The following TEAD4 variants were observed in gnomAD, a reference collection of about 807,000 sequenced individuals.
TEAD4 encodes the protein transcriptional enhancer factor TEF-3.
TEAD4 carries 36 observed loss-of-function variants against 52.4 expected under a neutral mutation model. The observed-to-expected ratio is 0.69, with a 90% CI of 0.53 to 0.91. The LOEUF (loss-of-function observed/expected upper bound fraction) is 0.91, where lower values mean the gene tolerates loss of function less well. Among genes scored for constraint, TEAD4 ranks in the 40% least tolerant of loss-of-function variants. The pLI is 0.00. For missense variants in TEAD4, 508 were observed against 583.9 expected (o/e 0.87, Z 1.34); for synonymous variants, 220 against 231.0 (o/e 0.95, Z 0.43).
At chr12:3,000,325 C>T (rs1349848715) in intron 3 of TEAD4, among the ~76,000 whole-genome samples, 1 of 152,098 alleles carries the variant, frequency 6.6e-6, no homozygotes, top group African/African-American at 2.4e-5. Context: ...GGAGTTTATT[C>T]CTTACAGTTA....
At chr12:2,962,293 T>A (rs1232052432) in intron 2 of TEAD4, among the ~76,000 whole-genome samples, 7 of 124,750 alleles carry the variant, frequency 5.6e-5, no homozygotes, top group Non-Finnish European at 8.0e-5. Context: ...TATTTATTTA[T>A]ATATATAAAT....
chr12:3,018,927 C>T (rs931837152), intron 7 of TEAD4, among the ~76,000 whole-genome samples, 188 bp from the exon 8 acceptor site: 1 of 151,972 alleles, frequency 6.6e-6, no homozygotes, highest in African/African-American at 2.4e-5. Context: ...TCAGCAGACA[C>T]GCTGTGTCTG....
At chr12:2,984,854 C>T (rs2098236809) in intron 2 of TEAD4, among the ~76,000 whole-genome samples, 1 of 152,092 alleles carries the variant, frequency 6.6e-6, no homozygotes, top group Non-Finnish European at 1.5e-5. Context: ...ATGGAGCTTG[C>T]AGGACTGGAA....
intron 10 of TEAD4, 76 bp from the exon 11 acceptor site, chr12:3,037,892 C>G: frequency 6.5e-7 from 1 of 1,543,084 alleles, no homozygotes; most frequent in Non-Finnish European, 8.8e-7. Flanking sequence ...GGACCGGGAC[C>G]CTGAGGTCTC....
At chr12:2,963,339 T>TG (rs2098217443) in intron 2 of TEAD4, among the ~76,000 whole-genome samples, 1 of 152,238 alleles carries the variant, frequency 6.6e-6, no homozygotes, top group Admixed American at 6.5e-5. Flanking sequence ...CTTTGGACCT[T>TG]GCCTTTCCTG....
At chr12:3,001,709 G>A (rs776636217) in intron 3 of TEAD4, among the ~76,000 whole-genome samples, 9 of 151,950 alleles carry the variant, frequency 5.9e-5, no homozygotes, top group Non-Finnish European at 8.8e-5. Flanking sequence ...CCCGGGAGGC[G>A]GAGGTTTCAG....
intron 10 of TEAD4, among the ~76,000 whole-genome samples, chr12:3,028,740 C>T (rs949309475): frequency 8.6e-5 from 13 of 151,998 alleles, no homozygotes; most frequent in African/African-American, 2.4e-4. Context: ...AACTGATTCT[C>T]GTACCTCAGC....
chr12:3,024,947 CTTTT>C (rs201562197), intron 10 of TEAD4, among the ~76,000 whole-genome samples: 13 of 137,034 alleles, frequency 9.5e-5, no homozygotes, highest in Non-Finnish European at 1.4e-4. Flanking sequence ...ACGTGTTATT[CTTTT>C]TTTTTTTTTT....
chr12:2,972,491 C>CTTTT lies in TEAD4; in HGVS notation c.-30+12473_-30+12476dup, dbSNP rs751852771. 5.7e-3 allele frequency among the ~76,000 whole-genome samples: 199 copies of CTTTT among 34,768 alleles called. 8 individuals carry two copies. Among genetic ancestry groups the CTTTT allele is most frequent in the Admixed American group, 7.9e-3 (15 of 1,908 alleles). The allele number at this position is 34,768 out of a possible 152,430, so 22.8% of individuals were successfully genotyped here. ...TTATTTAGACTCAGGCAGCATGTCT[C>CTTTT]TTTTTTTTTTTTTTTTTTTTTTTTT... is the stretch of plus-strand genomic sequence containing the variant. On this transcript the variant is annotated intron_variant, in intron 2 of 12. Transcript: ENST00000359864.
At chr12:3,007,055 T>G (rs943027138) in intron 3 of TEAD4, among the ~76,000 whole-genome samples, 2 of 152,132 alleles carry the variant, frequency 1.3e-5, no homozygotes, top group Admixed American at 6.6e-5. Flanking sequence ...ACGGCTGAGC[T>G]TGCCTTAGAC....
intron 3 of TEAD4, among the ~76,000 whole-genome samples, chr12:2,997,074 C>T (rs1399881489): frequency 6.6e-6 from 1 of 152,208 alleles, no homozygotes; most frequent in Non-Finnish European, 1.5e-5. Context: ...GGTGTGGCAG[C>T]TCTGCTCCAT....
At chr12:2,985,333 C>T (rs1027325907) in intron 2 of TEAD4, among the ~76,000 whole-genome samples, 8 of 151,082 alleles carry the variant, frequency 5.3e-5, no homozygotes, top group Middle Eastern at 3.2e-3. Flanking sequence ...TGCAGTGAGC[C>T]GAGATTGCGC....
intron 2 of TEAD4, among the ~76,000 whole-genome samples, chr12:2,976,124 G>C (rs531383128): frequency 5.3e-4 from 81 of 151,790 alleles, no homozygotes; most frequent in African/African-American, 1.8e-3. Context: ...TCCTGCCTCA[G>C]CCTCCCGAGT....
chr12:2,972,810 T>C (rs1361307945), intron 2 of TEAD4, among the ~76,000 whole-genome samples: 1 of 152,170 alleles, frequency 6.6e-6, no homozygotes, highest in Non-Finnish European at 1.5e-5. Flanking sequence ...GAAAAACATC[T>C]CATCCTATAA....
chr12:3,011,421 G>A (rs946332760), intron 4 of TEAD4, among the ~76,000 whole-genome samples: 14 of 152,094 alleles, frequency 9.2e-5, no homozygotes, highest in African/African-American at 2.7e-4. Flanking sequence ...TAGTAGAGAC[G>A]GGGTTTCACC....
intron 3 of TEAD4, among the ~76,000 whole-genome samples, chr12:2,999,298 C>A (rs963782849): frequency 1.3e-5 from 2 of 152,308 alleles, no homozygotes; most frequent in Middle Eastern, 3.4e-3. Context: ...TTTCTCCCCC[C>A]TCACTTCCCT....
At chr12:3,016,990 G>A (rs1312855037) in intron 5 of TEAD4, 6 of 428,998 alleles carry the variant, frequency 1.4e-5, no homozygotes, top group Admixed American at 2.5e-5. Context: ...CAGACAGCCC[G>A]TGTGGCCAGG....
At chr12:3,009,991 G>A (rs972287607) in intron 3 of TEAD4, among the ~76,000 whole-genome samples, 7 of 152,284 alleles carry the variant, frequency 4.6e-5, no homozygotes, top group African/African-American at 9.6e-5. Context: ...TGCCTCCCAC[G>A]GACAGCCGCA....
intron 11 of TEAD4, among the ~76,000 whole-genome samples, chr12:3,039,769 C>T (rs1463992430): frequency 1.3e-5 from 2 of 152,318 alleles, no homozygotes; most frequent in African/African-American, 4.8e-5. Flanking sequence ...CTCACTGCAA[C>T]CTCCGCCTCC....
Sources: allele counts gnomAD v4.1 joint callset (sites outside exome capture counted in the v4.1 genomes callset), GRCh38; gene constraint gnomAD v4.1.1; transcripts MANE v1.5; gene names NCBI Gene and HGNC (gene_info 2026-07-23, HGNC 2026-07-21).